The following MTHFS variants were observed in gnomAD, a reference collection of about 807,000 sequenced individuals.
The protein encoded by MTHFS is methenyltetrahydrofolate synthetase.
Under a neutral mutation model 12.7 loss-of-function variants are expected in MTHFS, and 7 were observed. The observed-to-expected ratio is 0.55, with a 90% CI of 0.31 to 1.03. The LOEUF is 1.03. Ranked by LOEUF, MTHFS falls within the 50% of genes least tolerant of loss-of-function variation. MTHFS has a pLI of 0.05. For synonymous variants in MTHFS, 100 were observed against 97.1 expected (o/e 1.03, Z -0.18); for missense variants, 252 against 258.1 (o/e 0.98, Z 0.16).
intron 2 of MTHFS, among the ~76,000 whole-genome samples, chr15:79,885,985 T>C (rs138137263): frequency 1.3e-5 from 2 of 152,384 alleles, no homozygotes; most frequent in African/African-American, 4.8e-5. Context: ...ATTCCTGCTC[T>C]AATCTAATTG....
chr15:79,896,763 G>A, intron 1 of MTHFS, 109 bp downstream of exon 1: 2 of 1,460,908 alleles, frequency 1.4e-6, no homozygotes, highest in Non-Finnish European at 1.8e-6. Flanking sequence ...GGGGGTGGGG[G>A]GGCGCCTAGC....
rs1032042833 is a variant in MTHFS at position 79,878,865 on chromosome 15, T to C, written c.379+10228A>G. Among the ~76,000 whole-genome samples the C allele has an allele frequency of 2.0e-4, 31 of 151,226 alleles. 1 individual carries two copies. The highest frequency in any genetic ancestry group is 1.5e-3 in the South Asian group (7 of 4,768). ...TAGCACAGGAAAGCTTATTCCCTTT[T>C]TTTTTTTCTTTCTTTCTTTAATTTC... On this transcript the variant is annotated intron_variant, in intron 2 of 2. Transcript: ENST00000258874.
chr15:79,850,702 G>C (rs1217924940), intron 2 of MTHFS, among the ~76,000 whole-genome samples: 1 of 152,124 alleles, frequency 6.6e-6, no homozygotes, highest in African/African-American at 2.4e-5. Context: ...ATTAGATTTG[G>C]CAACTAGGGA....
chr15:79,868,471 A>G (rs1311831968), intron 2 of MTHFS, among the ~76,000 whole-genome samples: 6 of 152,200 alleles, frequency 3.9e-5, no homozygotes, highest in African/African-American at 1.4e-4. Context: ...TGTGATGGTT[A>G]ATTTTATGCA....
chr15:79,882,858 C>T (rs1403364999), intron 2 of MTHFS, among the ~76,000 whole-genome samples: 2 of 152,172 alleles, frequency 1.3e-5, no homozygotes, highest in South Asian at 2.1e-4. Flanking sequence ...AAGGTTATTC[C>T]CCCAGGCAGG....
At chr15:79,853,026 T>C (rs771786464) in intron 2 of MTHFS, among the ~76,000 whole-genome samples, 1 of 152,078 alleles carries the variant, frequency 6.6e-6, no homozygotes, top group Non-Finnish European at 1.5e-5. Context: ...CCAAAGAGCC[T>C]AGAAAAATAT....
intron 2 of MTHFS, chr15:79,878,217 C>T (rs2034234028): frequency 6.6e-6 from 1 of 151,946 alleles, no homozygotes; most frequent in African/African-American, 2.4e-5. Context: ...GTAACTTATA[C>T]TGTCGTGTGA....
intron 2 of MTHFS, among the ~76,000 whole-genome samples, chr15:79,852,221 C>T (rs1019986539): frequency 6.6e-6 from 1 of 152,158 alleles, no homozygotes; most frequent in African/African-American, 2.4e-5. Context: ...GTTTTGAACT[C>T]ATTATGATTG....
intron 2 of MTHFS, among the ~76,000 whole-genome samples, chr15:79,866,932 G>C (rs1453734234): frequency 1.3e-5 from 2 of 151,668 alleles, no homozygotes; most frequent in Non-Finnish European, 2.9e-5. Flanking sequence ...CTCCAGCCTG[G>C]GCATGCCACT....
At chr15:79,849,837 TTTCCAATGTGATCTTGCA>T (rs1480196982) in intron 2 of MTHFS, among the ~76,000 whole-genome samples, 1 of 152,266 alleles carries the variant, frequency 6.6e-6, no homozygotes, top group Middle Eastern at 3.2e-3. Flanking sequence ...CTTCGCTACC[TTTCCAATGTGATCTTGCA>T]TTCCAAAACT....
At chr15:79,884,082 C>T (rs2034342335) in intron 2 of MTHFS, among the ~76,000 whole-genome samples, 1 of 152,192 alleles carries the variant, frequency 6.6e-6, no homozygotes, top group African/African-American at 2.4e-5. Flanking sequence ...CATTTAAACT[C>T]CATAACAGAT....
chr15:79,848,654 G>C (rs1196084625), intron 2 of MTHFS, among the ~76,000 whole-genome samples: 1 of 152,178 alleles, frequency 6.6e-6, no homozygotes, highest in Non-Finnish European at 1.5e-5. Context: ...ATGAAGAAAT[G>C]AAACAGAGAT....
At chr15:79,890,264 C>A (rs1470623920) in intron 1 of MTHFS, among the ~76,000 whole-genome samples, 1 of 126,456 alleles carries the variant, frequency 7.9e-6, no homozygotes, top group Admixed American at 1.0e-4. Flanking sequence ...GTTGCCCAGG[C>A]TGGAGTGCAG....
intron 2 of MTHFS, among the ~76,000 whole-genome samples, chr15:79,865,044 A>C (rs1372310605): frequency 6.6e-6 from 1 of 152,230 alleles, no homozygotes; most frequent in Non-Finnish European, 1.5e-5. Context: ...GTTTCAGGGG[A>C]GAGGTTCACA....
intron 2 of MTHFS, among the ~76,000 whole-genome samples, chr15:79,873,917 G>A (rs889569122): frequency 2.0e-5 from 3 of 152,196 alleles, no homozygotes; most frequent in East Asian, 1.9e-4. Context: ...GTCCATAGAA[G>A]GGCTGAGATA....
At chr15:79,882,539 G>C (rs1464291626) in intron 2 of MTHFS, among the ~76,000 whole-genome samples, 1 of 152,174 alleles carries the variant, frequency 6.6e-6, no homozygotes, top group Non-Finnish European at 1.5e-5. Context: ...GATATGGCAG[G>C]TTCAGCATCT....
intron 1 of MTHFS, 82 bp from the exon 2 acceptor site, chr15:79,889,436 C>T: frequency 6.8e-7 from 1 of 1,477,068 alleles, no homozygotes; most frequent in Non-Finnish European, 9.0e-7. Context: ...TCTCTCTCAG[C>T]CTTCTCCAAT....
intron 1 of MTHFS, 105 bp from the exon 2 acceptor site, chr15:79,889,459 T>TAAAAATAAAAAAAAA: frequency 2.7e-6 from 2 of 740,586 alleles, no homozygotes; most frequent in Non-Finnish European, 1.9e-6. Flanking sequence ...CTTTAAATAT[T>TAAAAATAAAAAAAAA]AAAAAGAAAA....
Sources: gnomAD v4.1 joint callset for allele counts (sites outside exome capture counted in the v4.1 genomes callset) on GRCh38, gnomAD v4.1.1 for gene constraint, MANE v1.5 for transcripts, NCBI Gene and HGNC (gene_info 2026-07-23, HGNC 2026-07-21) for gene names.